Variants in C9orf57 observed in about 807,000 individuals in gnomAD.
C9orf57 encodes the protein chromosome 9 open reading frame 57.
A neutral mutation model predicts 12.9 loss-of-function variants in C9orf57; 12 were observed. The observed-to-expected ratio is 0.93, with a 90% CI of 0.60 to 1.51. The LOEUF (loss-of-function observed/expected upper bound fraction) is 1.51. C9orf57 is among the 40% of genes most tolerant of loss of function. The pLI is 0.00. For missense variants in C9orf57, 141 were observed against 162.8 expected, an observed-to-expected ratio of 0.87 and a Z score of 0.73; for synonymous variants, 49 against 57.1, an observed-to-expected ratio of 0.86 and a Z score of 0.64.
rs1824097820 is a variant in C9orf57, at chr9:72,052,332, A to C, written c.384T>G (p.Thr128=). 1.3e-6 allele frequency: 2 copies of C among 1,551,722 alleles called. No homozygotes were observed. The highest frequency in any genetic ancestry group is 1.4e-5 in the African/African-American group (1 of 73,064). Residue 128 remains threonine, a synonymous_variant, in exon 5 of 5, where the codon ACT becomes ACG. Coordinates refer to ENST00000651200, the MANE Select transcript of C9orf57 (RefSeq NM_001128618.2). ...KRILQLHELV[T]THCCNHSLCN... is the part of the protein sequence containing the mutation. ...ACAAAGAATGATTGCAGCAGTGAGT[A>C]GTTACAAGTTCATGCAGTTGCAGAA...
Position 72,051,595 on chromosome 9 carries a change from C to T in C9orf57, c.*701G>A, listed in dbSNP as rs931224544. ...TAAATTCCTTGTGGTTGGGAACTTA[C>T]TTCTCTGCTTACCTTGAACTGCTTA... On this transcript the variant is annotated 3_prime_UTR_variant, in exon 5 of 5. Transcript: ENST00000651200. The T allele has an allele frequency of 6.6e-6, 1 of 152,162 alleles. No homozygotes were observed. The highest frequency in any genetic ancestry group is 6.5e-5 in the Admixed American group (1 of 15,276). 9.4% of individuals were successfully genotyped at this position (152,162 alleles called of 1,614,324 possible). A position where few individuals can be genotyped will look rare whatever the true frequency, so the allele number is the denominator to read the frequency against.
chr9:72,060,204 AC>A (rs1285944729), intron 1 of C9orf57, among the ~76,000 whole-genome samples: 2 of 152,004 alleles, frequency 1.3e-5, no homozygotes, highest in Admixed American at 1.3e-4. Context: ...ATGCTGCAAC[AC>A]CCGGCTAATT....
chr9:72,056,025 T>A lies in C9orf57; in HGVS notation c.280+49A>T, dbSNP rs916310190. 6 of 1,514,020 alleles carry A rather than the reference T, an allele frequency of 4.0e-6. No homozygotes were observed. In the African/African-American group the frequency reaches 6.9e-5, roughly 17 times the overall value. 93.8% of individuals were successfully genotyped at this position (1,514,020 alleles called of 1,614,324 possible). Reference sequence around the variant, plus strand: ...ATATGAAAGTTTGTTGTGATAAGCATTTTCCCTGTGCTTATTTTAATTAAA... The same window carrying A: ...ATATGAAAGTTTGTTGTGATAAGCAATTTCCCTGTGCTTATTTTAATTAAA... On this transcript the variant is annotated intron_variant, in intron 4 of 4. Transcript: ENST00000651200.
intron 4 of C9orf57, among the ~76,000 whole-genome samples, chr9:72,053,834 T>C (rs898311447): frequency 2.6e-5 from 4 of 152,362 alleles, no homozygotes; most frequent in African/African-American, 9.6e-5. Flanking sequence ...AGTGGTATAC[T>C]GAACGTACTT....
At chr9:72,055,933 T>A (rs1256004730) in intron 4 of C9orf57, 141 bp downstream of exon 4, 5 of 841,414 alleles carry the variant, frequency 5.9e-6, no homozygotes, top group Non-Finnish European at 8.4e-6. Context: ...ACAGGATCCA[T>A]CCAGCTCTTT....
chr9:72,053,929 A>C (rs1244320868), intron 4 of C9orf57, among the ~76,000 whole-genome samples: 1 of 152,194 alleles, frequency 6.6e-6, no homozygotes, highest in Non-Finnish European at 1.5e-5. Context: ...TGAGTGTTGC[A>C]TAGCACTCCA....
In C9orf57 at chr9:72,052,137, A is replaced by T; in HGVS notation, c.*159T>A. ...AGGTGGTGGGGGAGATATTGGGAAT[A>T]TTGAAAACCAAAGTCAATTTCAGAT... On this transcript the variant is annotated 3_prime_UTR_variant, in exon 5 of 5. Coordinates refer to ENST00000651200, the MANE Select transcript of C9orf57 (RefSeq NM_001128618.2). 1 of 723,918 alleles carries T rather than the reference A, an allele frequency of 1.4e-6. No individual in the cohort carries two copies. The highest frequency in any genetic ancestry group is 2.2e-6 in the Non-Finnish European group (1 of 460,434). 44.8% of individuals were successfully genotyped at this position (723,918 alleles called of 1,614,324 possible).
At chr9:72,052,710 G>T (rs1262991094) in intron 4 of C9orf57, among the ~76,000 whole-genome samples, 1 of 152,160 alleles carries the variant, frequency 6.6e-6, no homozygotes. Flanking sequence ...AATTGCCATT[G>T]ACTATGTAGA....
intron 4 of C9orf57, among the ~76,000 whole-genome samples, chr9:72,053,216 A>G (rs1407216050): frequency 6.6e-6 from 1 of 152,158 alleles, no homozygotes; most frequent in African/African-American, 2.4e-5. Flanking sequence ...GCTGCTGTAC[A>G]TCCTACAATA....
intron 1 of C9orf57, among the ~76,000 whole-genome samples, chr9:72,059,861 T>C (rs954160642): frequency 6.6e-6 from 1 of 152,046 alleles, no homozygotes. Context: ...TTCCAGAACA[T>C]TTTAAGTTAT....
intron 4 of C9orf57, among the ~76,000 whole-genome samples, chr9:72,055,277 T>C (rs1824165776): frequency 6.6e-6 from 1 of 151,786 alleles, no homozygotes; most frequent in Non-Finnish European, 1.5e-5. Context: ...GTTTCCTGCC[T>C]TCCTTCCTGC....
At chr9:72,058,929 G>A (rs964547701) in intron 2 of C9orf57, among the ~76,000 whole-genome samples, 1 of 151,966 alleles carries the variant, frequency 6.6e-6, no homozygotes, top group Non-Finnish European at 1.5e-5. Context: ...CCAGGCTGGA[G>A]TGCAATGGCA....
chr9:72,060,143 T>A (rs181942559), intron 1 of C9orf57, among the ~76,000 whole-genome samples: 2 of 152,192 alleles, frequency 1.3e-5, no homozygotes, highest in Admixed American at 6.5e-5. Context: ...GCCTCCCCGG[T>A]TCAAGCGATT....
chr9:72,056,117 C>T lies in C9orf57; in HGVS notation c.237G>A (p.Gln79=). 1 of 1,551,104 alleles carries T rather than the reference C, an allele frequency of 6.4e-7. No individual in the cohort carries two copies. Among genetic ancestry groups the T allele is most frequent in the East Asian group, 2.4e-5 (1 of 40,912 alleles). ...HGCLLDLGTC[Q]AEPGQYCKEE... The stretch of plus-strand genomic sequence containing the variant: ...CTTTACAGTACTGACCAGGTTCTGC[C>T]TGGCAGGTTCCCAGGTCTAAAAGAC... The change falls in exon 4 of 5, where the codon CAG becomes CAA. Residue 79 remains glutamine, a synonymous_variant. Coordinates refer to ENST00000651200, the MANE Select transcript of C9orf57 (RefSeq NM_001128618.2).
chr9:72,058,909 C>A (rs1365121060), intron 2 of C9orf57, among the ~76,000 whole-genome samples: 1 of 151,866 alleles, frequency 6.6e-6, no homozygotes, highest in Non-Finnish European at 1.5e-5. Flanking sequence ...CAGAGTTTCA[C>A]TCTTGTTGCC....
intron 1 of C9orf57, among the ~76,000 whole-genome samples, 188 bp from the exon 2 acceptor site, chr9:72,059,572 A>G (rs1001201867): frequency 2.0e-5 from 3 of 152,180 alleles, no homozygotes; most frequent in African/African-American, 7.2e-5. Flanking sequence ...TGTATTCCCA[A>G]CGCTTTGGGA....
chr9:72,052,356 A>T lies in C9orf57; in HGVS notation c.360T>A (p.Ile120=). 6.4e-7 allele frequency: 1 copy of T among 1,551,992 alleles called. No homozygotes were observed. The highest frequency in any genetic ancestry group is 8.7e-7 in the Non-Finnish European group (1 of 1,147,032). Residue 120 remains isoleucine (I), a synonymous_variant, in exon 5 of 5, where the codon ATT becomes ATA. Transcript: ENST00000651200. ...TAGTTACAAGTTCATGCAGTTGCAG[A>T]ATTCTCTTGACGAGAGTACTCTTGA... ...ECFKSTLVKR[I]LQLHELVTTH...
chr9:72,060,559 GA>G lies in C9orf57; in HGVS notation c.-117del, dbSNP rs1225837566. On this transcript the variant is annotated 5_prime_UTR_variant, in exon 1 of 5. Coordinates refer to ENST00000651200, the MANE Select transcript of C9orf57 (RefSeq NM_001128618.2). ...GGTCTGAACTTTCTTAAAAGGATGA[GA>G]ACGAGTACAATTTGTGATGTGATGA... 1 of 1,547,090 alleles carries G rather than the reference GA, an allele frequency of 6.5e-7. No homozygotes were observed. Among genetic ancestry groups the G allele is most frequent in the African/African-American group, 1.4e-5 (1 of 72,844 alleles).
rs933569270 is a variant in C9orf57 at position 72,056,207 on chromosome 9, A to C, written c.158-11T>G. On this transcript the variant is annotated splice_polypyrimidine_tract_variant and intron_variant, in intron 3 of 4. Coordinates refer to ENST00000651200, the MANE Select transcript of C9orf57 (RefSeq NM_001128618.2). ...TCAAACCTCCAACATCTCCAAGTAC[A>C]GGGGCAGAAAAATGAGAAAGTAGTG... is the stretch of plus-strand genomic sequence containing the variant. 1.3e-6 allele frequency: 2 copies of C among 1,543,702 alleles called. No homozygotes were observed. The highest frequency in any genetic ancestry group is 1.8e-6 in the Non-Finnish European group (2 of 1,142,270).
Sources: allele counts gnomAD v4.1 joint callset (sites outside exome capture counted in the v4.1 genomes callset), GRCh38; gene constraint gnomAD v4.1.1; transcripts MANE v1.5; gene names NCBI Gene and HGNC (gene_info 2026-07-23, HGNC 2026-07-21).